The following PELP1 variants were observed in gnomAD, a reference collection of about 807,000 sequenced individuals.
PELP1 encodes proline-, glutamic acid- and leucine-rich protein 1.
PELP1 carries 32 observed loss-of-function variants against 95.5 expected under a neutral mutation model. The observed-to-expected ratio is 0.34, with a 90% CI of 0.25 to 0.45. PELP1 has a LOEUF of 0.45. Among genes scored for constraint, PELP1 ranks in the 20% least tolerant of loss-of-function variants. The pLI is 1.00. For synonymous variants in PELP1, 668 were observed against 600.1 expected, an observed-to-expected ratio of 1.11 and a Z score of -1.65; for missense variants, 1,358 against 1,444.8, an observed-to-expected ratio of 0.94 and a Z score of 0.97.
At position 4,676,641 on chromosome 17, in the gene PELP1, C is replaced by G. The variant is rs183666352; in HGVS notation, c.702+112G>C. On this transcript the variant is annotated intron_variant, in intron 6 of 16. Transcript: ENST00000572293. ...GAAACCTGAGATGGGACAATGAGGCCGAAGGACACAGATGGGCATATGAAG... is the reference window on the plus strand; with the variant it reads ...GAAACCTGAGATGGGACAATGAGGCGGAAGGACACAGATGGGCATATGAAG... 5.3e-5 allele frequency: 74 copies of G among 1,383,952 alleles called. 1 individual carries two copies. In the East Asian group the frequency reaches 1.7e-3, roughly 31 times the overall value. 85.7% of individuals were successfully genotyped at this position (1,383,952 alleles called of 1,614,324 possible).
Position 4,675,887 on chromosome 17 carries a change from A to T in PELP1, c.981-3T>A. 6.3e-7 allele frequency: 1 copy of T among 1,589,424 alleles called. No homozygotes were observed. Among genetic ancestry groups the T allele is most frequent in the South Asian group, 1.1e-5 (1 of 87,946 alleles). On this transcript the variant is annotated splice_polypyrimidine_tract_variant and splice_region_variant and intron_variant, in intron 8 of 16. Transcript: ENST00000572293. The surrounding 1 kb of genome is among the most constrained non-coding windows in gnomAD (Gnocchi z 4.3). ...ACACGGGAGCTCCAAACTCAGAGCT[A>T]AAGAGAATCAGAGCAGGGAGACCTT...
rs1388963365 is a variant in PELP1 at position 4,676,136 on chromosome 17, C to T, written c.880G>A (p.Val294Met). ...TAPVQNEGPG[V>M]EMLLSSEDGD... Reference sequence around the variant, plus strand: ...TCTTCTGAGGACAGCAGCATCTCCACCCCAGGGCCTTCATTCTGCACAGGA... The same window carrying T: ...TCTTCTGAGGACAGCAGCATCTCCATCCCAGGGCCTTCATTCTGCACAGGA... The change falls in exon 8 of 17, where the codon GTG (valine) becomes ATG (methionine). Residue 294 changes from valine to methionine, a missense_variant. Physicochemically the swap from Val to Met is conservative, Grantham distance 21. Around this residue, in one of 7 missense-constraint regions of PELP1, gnomAD observed 538 missense variants for 628.1 expected, o/e 0.86. Coordinates refer to ENST00000572293, the MANE Select transcript of PELP1 (RefSeq NM_014389.3). 2.5e-6 allele frequency: 4 copies of T among 1,613,858 alleles called. No homozygotes were observed. The highest frequency in any genetic ancestry group is 1.3e-5 in the African/African-American group (1 of 74,918).
At chr17:4,682,445 T>C (rs1912723084) in intron 5 of PELP1, 57 bp downstream of exon 5, 2 of 1,128,822 alleles carry the variant, frequency 1.8e-6, no homozygotes, top group Non-Finnish European at 1.4e-6. Context: ...GACAGGAATC[T>C]GAGGTAAGAG....
At chr17:4,674,361 G>A (rs1345914886) in intron 13 of PELP1, 149 bp downstream of exon 13, 1 of 673,558 alleles carries the variant, frequency 1.5e-6, no homozygotes, top group Non-Finnish European at 2.5e-6. Context: ...GCTGTTTGGG[G>A]GATCACTTAT....
At chr17:4,698,864 A>G (rs1913409213) in intron 1 of PELP1, among the ~76,000 whole-genome samples, 1 of 152,162 alleles carries the variant, frequency 6.6e-6, no homozygotes, top group Non-Finnish European at 1.5e-5. Flanking sequence ...TGATTATGTA[A>G]GAGAATGTCC....
In PELP1 at chr17:4,674,800, C is replaced by T. The variant is rs1912388149; in HGVS notation, c.1422+9G>A. The T allele has an allele frequency of 2.5e-6, 4 of 1,605,748 alleles. No individual in the cohort carries two copies. The highest frequency in any genetic ancestry group is 8.5e-7 in the Non-Finnish European group (1 of 1,174,768). ...GATGAGTCCTAAGGCGGAGCTGAGG[C>T]CTCCTCACCTTAAGGGCATCAGCTG... On this transcript the variant is annotated intron_variant, in intron 12 of 16. Coordinates refer to ENST00000572293, the MANE Select transcript of PELP1 (RefSeq NM_014389.3).
Position 4,673,534 on chromosome 17 carries a change from T to C in PELP1, c.1639-78A>G. The C allele has an allele frequency of 6.4e-7, 1 of 1,567,506 alleles. No individual in the cohort carries two copies. Among genetic ancestry groups the C allele is most frequent in the Non-Finnish European group, 8.8e-7 (1 of 1,138,914 alleles). ...TCCAGAGCCTACTCCCAGGTCGGAATGGACCCACCTCTGGGCCACACCCCC... is the reference window on the plus strand; with the variant it reads ...TCCAGAGCCTACTCCCAGGTCGGAACGGACCCACCTCTGGGCCACACCCCC... On this transcript the variant is annotated intron_variant, in intron 14 of 16. Coordinates refer to ENST00000572293, the MANE Select transcript of PELP1 (RefSeq NM_014389.3). This position sits in a 1 kb window ranked among gnomAD's most constrained non-coding sequence, Gnocchi z 5.7.
chr17:4,693,867 A>G (rs916662270), intron 1 of PELP1, among the ~76,000 whole-genome samples: 2 of 152,204 alleles, frequency 1.3e-5, no homozygotes, highest in Non-Finnish European at 2.9e-5. Flanking sequence ...GAAAGCACAG[A>G]TAAGAGGGGA....
chr17:4,689,475 G>GA (rs773731644), intron 3 of PELP1, among the ~76,000 whole-genome samples: 144 of 152,126 alleles, frequency 9.5e-4, no homozygotes, highest in Non-Finnish European at 1.7e-3. Flanking sequence ...AAATCAGCCA[G>GA]AAAAAAACAA....
At chr17:4,683,450 A>G (rs1347474384) in intron 3 of PELP1, among the ~76,000 whole-genome samples, 1 of 148,324 alleles carries the variant, frequency 6.7e-6, no homozygotes, top group Non-Finnish European at 1.5e-5. Context: ...TCGATCTCCG[A>G]CCTCGTGATC....
Position 4,674,926 on chromosome 17 carries a change from T to C in PELP1, c.1305A>G (p.Leu435=). 1 of 1,613,332 alleles carries C rather than the reference T, an allele frequency of 6.2e-7. No homozygotes were observed. Among genetic ancestry groups the C allele is most frequent in the Non-Finnish European group, 8.5e-7 (1 of 1,179,486 alleles). The change falls in exon 12 of 17, where the codon TTA becomes TTG. Residue 435 remains leucine (L), a synonymous_variant. Coordinates refer to ENST00000572293, the MANE Select transcript of PELP1 (RefSeq NM_014389.3). The part of the protein sequence containing the change: ...STVRTKVYAI[L]ELWVQVCGAS... ...CCCCACAAACCTGCACCCACAGCTC[T>C]AATATCGCATACACCTTGGTCCGAA...
chr17:4,703,622 C>T (rs1913638570), intron 1 of PELP1, among the ~76,000 whole-genome samples: 1 of 152,212 alleles, frequency 6.6e-6, no homozygotes, highest in Non-Finnish European at 1.5e-5. Context: ...TAATCGATTC[C>T]TGTGTGCCGA....
chr17:4,695,062 C>T lies in PELP1; in HGVS notation c.250-3620G>A, dbSNP rs189694491. Among the ~76,000 whole-genome samples, 753 of 151,842 alleles carry T rather than the reference C, an allele frequency of 5.0e-3. 3 individuals are homozygous for T. The highest frequency in any genetic ancestry group is 0.013 in the African/African-American group (525 of 41,416). ...AAAAGGCCAGGCACCGTGGCTCATG[C>T]CTGTAATTCCAGCACTTTGGGCAGC... On this transcript the variant is annotated intron_variant, in intron 1 of 16. Coordinates refer to ENST00000572293, the MANE Select transcript of PELP1 (RefSeq NM_014389.3).
rs142900539 is a variant in PELP1, at chr17:4,682,476, G to A, written c.642+26C>T. The stretch of plus-strand genomic sequence containing the variant: ...AAGAGCTCTCAACGCTTACACTGGT[G>A]GGGAGAAGAGTGCATAAATACTTAC... On this transcript the variant is annotated intron_variant, in intron 5 of 16. Transcript: ENST00000572293. 2,832 of 1,463,194 alleles carry A rather than the reference G, an allele frequency of 1.9e-3. 46 individuals carry two copies. The African/African-American group carries it at 0.032, about 17-fold the overall frequency. 90.6% of individuals were successfully genotyped at this position (1,463,194 alleles called of 1,614,324 possible). A position where few individuals can be genotyped will look rare whatever the true frequency, so the allele number is the denominator to read the frequency against.
intron 1 of PELP1, among the ~76,000 whole-genome samples, chr17:4,702,544 T>C (rs1913582719): frequency 6.6e-6 from 1 of 152,160 alleles, no homozygotes; most frequent in African/African-American, 2.4e-5. Context: ...AGAAAATACA[T>C]AATCAGCTCC....
In PELP1 at chr17:4,675,743, TG is replaced by T; in HGVS notation, c.1068+53del. On this transcript the variant is annotated intron_variant, in intron 9 of 16. Coordinates refer to ENST00000572293, the MANE Select transcript of PELP1 (RefSeq NM_014389.3). The surrounding 1 kb of genome is among the most constrained non-coding windows in gnomAD (Gnocchi z 4.3). ...GAGACTCAGGTCCCCAGTACTTTCCTGGTTGCCTGGTATCCTGAGCAAGGGC... is the reference window on the plus strand; with the variant it reads ...GAGACTCAGGTCCCCAGTACTTTCCTGTTGCCTGGTATCCTGAGCAAGGGC... The T allele has an allele frequency of 7.7e-7, 1 of 1,299,966 alleles. No homozygotes were observed. Among genetic ancestry groups the T allele is most frequent in the Non-Finnish European group, 1.1e-6 (1 of 916,586 alleles). The allele number at this position is 1,299,966 out of a possible 1,614,324, so 80.5% of individuals were successfully genotyped here.
chr17:4,690,708 T>C (rs4790218), intron 3 of PELP1, among the ~76,000 whole-genome samples, 180 bp downstream of exon 3: 148,880 of 152,252 alleles, frequency 0.98, 72,873 homozygotes, highest in Middle Eastern at 1. Flanking sequence ...AGTGACAAAG[T>C]GAGACTCCAT....
chr17:4,695,422 T>C (rs1328536914), intron 1 of PELP1, among the ~76,000 whole-genome samples: 1 of 152,048 alleles, frequency 6.6e-6, no homozygotes, highest in Non-Finnish European at 1.5e-5. Flanking sequence ...CCCAAAATTC[T>C]GGGAAACCAA....
chr17:4,702,667 G>A (rs774892549), intron 1 of PELP1, among the ~76,000 whole-genome samples: 2 of 152,144 alleles, frequency 1.3e-5, no homozygotes, highest in Non-Finnish European at 2.9e-5. Context: ...TGGGGCTAAG[G>A]TTATTGACCC....
Sources: allele counts gnomAD v4.1 joint callset (sites outside exome capture counted in the v4.1 genomes callset), GRCh38; gene constraint gnomAD v4.1.1; regional missense constraint gnomAD v4.1.1; non-coding constraint Gnocchi (gnomAD v3.1); transcripts MANE v1.5; gene names NCBI Gene and HGNC (gene_info 2026-07-23, HGNC 2026-07-21).